Variants in ULK4 observed in about 807,000 individuals in gnomAD.
ULK4 encodes inactive serine/threonine-protein kinase ULK4.
Under a neutral mutation model 160.6 loss-of-function variants are expected in ULK4, and 133 were observed. That is an observed-to-expected ratio of 0.83 (90% CI 0.72 to 0.96). The LOEUF is 0.96. ULK4 is among the 40% of genes least tolerant of loss of function. The pLI, the probability that ULK4 is intolerant of heterozygous loss-of-function variation, is 0.00. For missense variants in ULK4, 1,580 were observed against 1,499.5 expected (o/e 1.05, Z -0.89); for synonymous variants, 534 against 539.8 (o/e 0.99, Z 0.15).
At chr3:41,435,773 C>A (rs1312574795) in intron 34 of ULK4, among the ~76,000 whole-genome samples, 5 of 152,114 alleles carry the variant, frequency 3.3e-5, no homozygotes, top group African/African-American at 1.2e-4. Context: ...ATAGTGAAAC[C>A]CTATCTCTAC....
chr3:41,549,160 C>T (rs2086975347), intron 32 of ULK4, among the ~76,000 whole-genome samples: 1 of 152,072 alleles, frequency 6.6e-6, no homozygotes, highest in Non-Finnish European at 1.5e-5. Flanking sequence ...CATGACACCA[C>T]CAAAGGAACA....
chr3:41,911,258 T>C (rs1237019334), intron 11 of ULK4, 59 bp downstream of exon 11: 18 of 1,537,312 alleles, frequency 1.2e-5, no homozygotes, highest in Non-Finnish European at 1.4e-5. Flanking sequence ...AGATAGCAGA[T>C]GCTTTAAGAA....
At chr3:41,710,137 C>T (rs2037042093) in intron 25 of ULK4, among the ~76,000 whole-genome samples, 1 of 152,034 alleles carries the variant, frequency 6.6e-6, no homozygotes, top group African/African-American at 2.4e-5. Context: ...TGTCTAAATG[C>T]TGAAATTATT....
intron 32 of ULK4, among the ~76,000 whole-genome samples, chr3:41,522,781 C>T (rs1455741012): frequency 6.6e-6 from 1 of 152,192 alleles, no homozygotes; most frequent in Non-Finnish European, 1.5e-5. Flanking sequence ...CAGTGATTTT[C>T]ATTGTGTTCC....
chr3:41,682,612 A>AT (rs1301480406), intron 27 of ULK4, among the ~76,000 whole-genome samples: 2 of 152,252 alleles, frequency 1.3e-5, no homozygotes, highest in Non-Finnish European at 2.9e-5. Context: ...CTGGTGGCCC[A>AT]TCAGTATTAA....
intron 31 of ULK4, among the ~76,000 whole-genome samples, chr3:41,589,582 AAAT>A (rs1040760671): frequency 3.9e-5 from 6 of 152,168 alleles, no homozygotes; most frequent in African/African-American, 1.4e-4. Context: ...CCTTTTGTAA[AAAT>A]AATTCAGAAT....
chr3:41,909,205 G>C (rs764507355), intron 11 of ULK4, among the ~76,000 whole-genome samples: 1 of 151,866 alleles, frequency 6.6e-6, no homozygotes, highest in African/African-American at 2.4e-5. Flanking sequence ...AGGTTGCAGT[G>C]AGCAAAGACC....
intron 35 of ULK4, among the ~76,000 whole-genome samples, chr3:41,397,692 A>G (rs1007891541): frequency 2.0e-5 from 3 of 152,308 alleles, no homozygotes; most frequent in Admixed American, 1.3e-4. Context: ...AGGCTATGAA[A>G]GTTACTGGGA....
intron 32 of ULK4, among the ~76,000 whole-genome samples, chr3:41,499,481 A>G (rs1267858163): frequency 6.6e-6 from 1 of 152,160 alleles, no homozygotes; most frequent in East Asian, 1.9e-4. Flanking sequence ...TGAGGGCAGA[A>G]CACCTTGGGC....
intron 30 of ULK4, among the ~76,000 whole-genome samples, chr3:41,653,323 T>C (rs895370773): frequency 6.6e-6 from 1 of 152,216 alleles, no homozygotes; most frequent in African/African-American, 2.4e-5. Flanking sequence ...GTCTTGCCTG[T>C]TCCTTCCCAT....
chr3:41,273,638 T>C (rs2079178019), intron 35 of ULK4, among the ~76,000 whole-genome samples: 1 of 152,122 alleles, frequency 6.6e-6, no homozygotes, highest in African/African-American at 2.4e-5. Context: ...ATACGATTTG[T>C]TTGGTCCCAT....
chr3:41,452,443 T>C (rs151239036), intron 34 of ULK4, among the ~76,000 whole-genome samples: 98 of 152,228 alleles, frequency 6.4e-4, no homozygotes, highest in African/African-American at 2.1e-3. Context: ...TTAAATCCAA[T>C]CACTCAAACC....
intron 34 of ULK4, among the ~76,000 whole-genome samples, chr3:41,445,943 C>T (rs1282133130): frequency 6.6e-6 from 1 of 151,842 alleles, no homozygotes; most frequent in African/African-American, 2.4e-5. Flanking sequence ...AGGCAACCTA[C>T]AAAATGGGAG....
At position 41,919,599 on chromosome 3, in the gene ULK4, C is replaced by T. The variant is rs1327838832; in HGVS notation, c.643+118G>A. 8.2e-6 allele frequency: 7 copies of T among 852,090 alleles called. No homozygotes were observed. The East Asian group carries it at 1.7e-4, about 21-fold the overall frequency. The allele number at this position is 852,090 out of a possible 1,614,324, so 52.8% of individuals were successfully genotyped here. On this transcript the variant is annotated intron_variant, in intron 6 of 36. Coordinates refer to ENST00000301831, the MANE Select transcript of ULK4 (RefSeq NM_017886.4). Reference sequence around the variant, plus strand: ...ACTGGGTGACAGTACGAGACTCTGTCTCAAAATAAAAAAAAATCTAGTTTT... The same window carrying T: ...ACTGGGTGACAGTACGAGACTCTGTTTCAAAATAAAAAAAAATCTAGTTTT...
intron 32 of ULK4, among the ~76,000 whole-genome samples, chr3:41,517,739 C>T (rs905933175): frequency 3.3e-5 from 5 of 152,160 alleles, no homozygotes; most frequent in Non-Finnish European, 5.9e-5. Flanking sequence ...GCAGCAAGGG[C>T]GCCTCTGCCA....
rs115406670 is a variant in ULK4 at position 41,834,502 on chromosome 3, A to C, written c.1764+1362T>G. Among the ~76,000 whole-genome samples the C allele has an allele frequency of 2.6e-3, 392 of 152,314 alleles. 2 individuals are homozygous for C. Among genetic ancestry groups the C allele is most frequent in the African/African-American group, 8.4e-3 (349 of 41,568 alleles). ...CAGAATTGGACAAGCTGATTCTAAA[A>C]TTTATTCTGATATGCGAAGGGCCAG... On this transcript the variant is annotated intron_variant, in intron 18 of 36. Coordinates refer to ENST00000301831, the MANE Select transcript of ULK4 (RefSeq NM_017886.4).
chr3:41,335,257 AT>A (rs2080531102), intron 35 of ULK4, among the ~76,000 whole-genome samples: 1 of 152,218 alleles, frequency 6.6e-6, no homozygotes, highest in Non-Finnish European at 1.5e-5. Context: ...AGCACAGGTC[AT>A]TTAATGCTGG....
intron 34 of ULK4, among the ~76,000 whole-genome samples, chr3:41,412,930 G>A (rs926412721): frequency 6.6e-6 from 1 of 152,138 alleles, no homozygotes; most frequent in South Asian, 2.1e-4. Context: ...CTTGCATCAT[G>A]TAACAAAATA....
At chr3:41,459,629 G>C (rs1038039844) in intron 33 of ULK4, among the ~76,000 whole-genome samples, 12 of 152,190 alleles carry the variant, frequency 7.9e-5, no homozygotes, top group Non-Finnish European at 1.6e-4. Context: ...TAAAGTTTAG[G>C]TTAAGGAGGG....
Sources: allele counts gnomAD v4.1 joint callset (sites outside exome capture counted in the v4.1 genomes callset), GRCh38; gene constraint gnomAD v4.1.1; transcripts MANE v1.5; gene names NCBI Gene and HGNC (gene_info 2026-07-23, HGNC 2026-07-21).